CAMTA1: variants seen among roughly 807,000 people sequenced by gnomAD.
The protein encoded by CAMTA1 is calmodulin binding transcription activator 1, also known as calmodulin-binding transcription activator 1.
CAMTA1 carries 27 observed loss-of-function variants against 170.9 expected under a neutral mutation model. That is an observed-to-expected ratio of 0.16 (90% CI 0.12 to 0.22). CAMTA1 has a LOEUF of 0.22. CAMTA1 is among the 10% of genes least tolerant of loss of function. The probability of loss-of-function intolerance (pLI) is 1.00; values close to 1 mark genes in which losing one functional copy is unlikely to be tolerated. For missense variants in CAMTA1, 1,619 were observed against 2,217.2 expected (o/e 0.73, Z 5.42); for synonymous variants, 833 against 891.5 (o/e 0.93, Z 1.17).
intron 4 of CAMTA1, among the ~76,000 whole-genome samples, chr1:7,209,430 GAGGCTGTGTGAGTAAAAGGAGTCT>G (rs1466642011): frequency 1.3e-5 from 2 of 152,182 alleles, no homozygotes; most frequent in Non-Finnish European, 2.9e-5. Context: ...ATTCATATCT[GAGGCTGTGTGAGTAAAAGGAGTCT>G]CACCCTTGGA....
chr1:7,603,136 G>C (rs12079847), intron 6 of CAMTA1, among the ~76,000 whole-genome samples: 20,489 of 152,196 alleles, frequency 0.13, 1,503 homozygotes, highest in African/African-American at 0.15. Context: ...GTGTGGTGTG[G>C]TGCTGAAAAG....
intron 11 of CAMTA1, among the ~76,000 whole-genome samples, chr1:7,729,990 C>A (rs967389212): frequency 2.0e-5 from 3 of 152,168 alleles, no homozygotes; most frequent in Non-Finnish European, 2.9e-5. Flanking sequence ...GTTATGTTCT[C>A]AACAGTTGGA....
intron 9 of CAMTA1, among the ~76,000 whole-genome samples, chr1:7,666,456 A>G (rs535994255): frequency 1.2e-4 from 18 of 152,338 alleles, no homozygotes; most frequent in African/African-American, 4.3e-4. Flanking sequence ...TCCAAAGACC[A>G]AAGCATCTTG....
intron 4 of CAMTA1, among the ~76,000 whole-genome samples, chr1:7,108,308 T>A (rs1643805775): frequency 6.6e-6 from 1 of 152,162 alleles, no homozygotes; most frequent in African/African-American, 2.4e-5. Flanking sequence ...GGAGTAATGA[T>A]AGTACATATT....
intron 4 of CAMTA1, among the ~76,000 whole-genome samples, chr1:7,150,029 C>T (rs1646482412): frequency 6.6e-6 from 1 of 152,148 alleles, no homozygotes; most frequent in South Asian, 2.1e-4. Context: ...GCCTCGGAGA[C>T]GTTCAACTCC....
Position 7,163,170 on chromosome 1 carries a change from A to C in CAMTA1, c.302+71799A>C, listed in dbSNP as rs80080235. 9.4e-3 allele frequency among the ~76,000 whole-genome samples: 1,432 copies of C among 151,892 alleles called. 19 individuals are homozygous for C. Among genetic ancestry groups the C allele is most frequent in the African/African-American group, 0.032 (1,318 of 41,374 alleles). On this transcript the variant is annotated intron_variant, in intron 4 of 22. Transcript: ENST00000303635. Reference sequence around the variant, plus strand: ...GGAAGTCCTGCTCAGCCCGAGAATGACTGGGTGATAGTCCTGGTGCCAAAG... The same window carrying C: ...GGAAGTCCTGCTCAGCCCGAGAATGCCTGGGTGATAGTCCTGGTGCCAAAG...
chr1:7,607,122 T>C (rs1427686753), intron 6 of CAMTA1, among the ~76,000 whole-genome samples: 1 of 146,564 alleles, frequency 6.8e-6, no homozygotes, highest in Non-Finnish European at 1.5e-5. Flanking sequence ...GATGGAAGGA[T>C]GGATGGATGG....
chr1:7,716,753 A>G (rs989198254), intron 11 of CAMTA1, among the ~76,000 whole-genome samples: 1 of 152,192 alleles, frequency 6.6e-6, no homozygotes, highest in South Asian at 2.1e-4. Context: ...ATGAGGATCC[A>G]GCAATCCCAC....
intron 3 of CAMTA1, among the ~76,000 whole-genome samples, chr1:6,916,007 G>T (rs370528244): frequency 2.6e-5 from 4 of 152,314 alleles, no homozygotes; most frequent in African/African-American, 9.6e-5. Flanking sequence ...GGAGTGGGTG[G>T]TGGAGCCCTG....
At chr1:7,196,547 A>G (rs912328748) in intron 4 of CAMTA1, among the ~76,000 whole-genome samples, 8 of 152,218 alleles carry the variant, frequency 5.3e-5, no homozygotes, top group African/African-American at 1.9e-4. Context: ...GCTTCAGTGC[A>G]CTAACAGATT....
At chr1:7,602,469 G>A (rs999732071) in intron 6 of CAMTA1, among the ~76,000 whole-genome samples, 1 of 152,086 alleles carries the variant, frequency 6.6e-6, no homozygotes, top group Non-Finnish European at 1.5e-5. Context: ...TTCTCTGATG[G>A]TAGTTTGTAT....
intron 6 of CAMTA1, among the ~76,000 whole-genome samples, chr1:7,593,369 A>G (rs1421921573): frequency 5.3e-5 from 8 of 152,094 alleles, no homozygotes; most frequent in Non-Finnish European, 1.2e-4. Flanking sequence ...ATAAGCAAAT[A>G]AACAAGAAAA....
At chr1:7,577,367 C>T (rs538618801) in intron 6 of CAMTA1, among the ~76,000 whole-genome samples, 1 of 152,228 alleles carries the variant, frequency 6.6e-6, no homozygotes, top group African/African-American at 2.4e-5. Flanking sequence ...CTCTCCCAGC[C>T]CCTCAGGAGG....
intron 6 of CAMTA1, among the ~76,000 whole-genome samples, chr1:7,581,251 A>C (rs1307541251): frequency 6.6e-6 from 1 of 152,262 alleles, no homozygotes; most frequent in African/African-American, 2.4e-5. Flanking sequence ...GGAACCCCAG[A>C]AACTTTTTCC....
chr1:7,291,388 G>A (rs1385955304), intron 5 of CAMTA1, among the ~76,000 whole-genome samples: 1 of 152,112 alleles, frequency 6.6e-6, no homozygotes, highest in East Asian at 1.9e-4. Flanking sequence ...AAAACAGTGG[G>A]CCTCAGTCTC....
intron 3 of CAMTA1, among the ~76,000 whole-genome samples, chr1:7,012,043 G>C (rs1276840355): frequency 6.6e-6 from 1 of 152,160 alleles, no homozygotes; most frequent in Non-Finnish European, 1.5e-5. Flanking sequence ...CTCACTGGGG[G>C]AAACCACAAT....
At chr1:7,230,808 A>T (rs1024723732) in intron 4 of CAMTA1, among the ~76,000 whole-genome samples, 6 of 151,972 alleles carry the variant, frequency 3.9e-5, no homozygotes, top group Non-Finnish European at 8.8e-5. Flanking sequence ...GGGAGATGGC[A>T]TGAGGGACTG....
chr1:6,791,952 A>G (rs1375972835), intron 1 of CAMTA1, among the ~76,000 whole-genome samples: 1 of 151,738 alleles, frequency 6.6e-6, no homozygotes, highest in Non-Finnish European at 1.5e-5. Flanking sequence ...TCATGCATTT[A>G]TAAGGAAAGT....
At chr1:7,334,932 A>G (rs1040441048) in intron 5 of CAMTA1, among the ~76,000 whole-genome samples, 2 of 152,160 alleles carry the variant, frequency 1.3e-5, no homozygotes, top group East Asian at 1.9e-4. Context: ...ATGTCATAGC[A>G]TGACTTAGGA....
Sources: gnomAD v4.1 joint callset for allele counts (sites outside exome capture counted in the v4.1 genomes callset) on GRCh38, gnomAD v4.1.1 for gene constraint, MANE v1.5 for transcripts, NCBI Gene and HGNC (gene_info 2026-07-23, HGNC 2026-07-21) for gene names.